Variants in ST3GAL2 observed in about 807,000 individuals in gnomAD.
The protein encoded by ST3GAL2 is ST3 beta-galactoside alpha-2,3-sialyltransferase 2.
A neutral mutation model predicts 37.5 loss-of-function variants in ST3GAL2; 16 were observed. That is an observed-to-expected ratio of 0.43 (90% CI 0.29 to 0.65). The LOEUF is 0.65. ST3GAL2 is among the 30% of genes least tolerant of loss of function. The pLI is 0.17. For missense variants in ST3GAL2, 383 were observed against 487.8 expected (o/e 0.79, Z 2.02); for synonymous variants, 238 against 202.9 (o/e 1.17, Z -1.47).
chr16:70,426,606 G>A (rs2151678616), intron 1 of ST3GAL2, among the ~76,000 whole-genome samples: 1 of 151,702 alleles, frequency 6.6e-6, no homozygotes, highest in South Asian at 2.1e-4. Context: ...CTGCCTCCCG[G>A]GTTCAAGCGA....
At chr16:70,389,202 C>CCAAAAAAAAAAA (rs2047464700) in intron 3 of ST3GAL2, among the ~76,000 whole-genome samples, 1 of 27,362 alleles carries the variant, frequency 3.7e-5, no homozygotes, top group Non-Finnish European at 6.7e-5. Context: ...CCCATCTCTA[C>CCAAAAAAAAAAA]AAAAAAAAAA....
At chr16:70,386,984 G>A (rs1358331325) in intron 4 of ST3GAL2, among the ~76,000 whole-genome samples, 1 of 152,224 alleles carries the variant, frequency 6.6e-6, no homozygotes, top group Non-Finnish European at 1.5e-5. Flanking sequence ...CGGGTGTGGT[G>A]GCTCATGCCG....
Position 70,420,141 on chromosome 16 carries a change from G to C in ST3GAL2, c.-1004+18808C>G, listed in dbSNP as rs140207660. ...CCCGGGTTCAAACTTCCATCAACTA[G>C]GCCAACTTCTTATCAGTTTCTATTC... On this transcript the variant is annotated intron_variant, in intron 1 of 6. Coordinates refer to ENST00000342907, the MANE Select transcript of ST3GAL2 (RefSeq NM_006927.4). Among the ~76,000 whole-genome samples, 15 of 150,800 alleles carry C rather than the reference G, an allele frequency of 9.9e-5. No individual in the cohort carries two copies. The East Asian group carries it at 3.0e-3, about 30-fold the overall frequency.
intron 6 of ST3GAL2, among the ~76,000 whole-genome samples, 194 bp downstream of exon 6, chr16:70,382,611 A>T (rs895730327): frequency 1.3e-5 from 2 of 152,104 alleles, no homozygotes; most frequent in African/African-American, 4.8e-5. Context: ...GAGATTTTGG[A>T]TTTGGTAGAA....
intron 1 of ST3GAL2, among the ~76,000 whole-genome samples, chr16:70,422,729 C>A (rs921200385): frequency 2.6e-5 from 4 of 152,108 alleles, no homozygotes. Flanking sequence ...CCCAGAGACC[C>A]CAGCAAAGTG....
intron 2 of ST3GAL2, among the ~76,000 whole-genome samples, chr16:70,397,657 C>G (rs1185626205): frequency 6.6e-6 from 1 of 152,046 alleles, no homozygotes; most frequent in Non-Finnish European, 1.5e-5. Flanking sequence ...ACCTGGGAGG[C>G]AGAAGTTACA....
intron 1 of ST3GAL2, among the ~76,000 whole-genome samples, chr16:70,405,540 T>TAAAAAA (rs58998342): frequency 9.9e-6 from 1 of 101,486 alleles, no homozygotes; most frequent in African/African-American, 3.9e-5. Context: ...GACTCCGTCT[T>TAAAAAA]AAAAAAAAAA....
chr16:70,376,293 T>C lies in ST3GAL2; in HGVS notation c.*5396A>G, dbSNP rs748161673. The C allele has an allele frequency of 4.6e-5, 7 of 152,268 alleles. No homozygotes were observed. The highest frequency in any genetic ancestry group is 8.8e-5 in the Non-Finnish European group (6 of 68,040). The allele number at this position is 152,268 out of a possible 1,614,324, so 9.4% of individuals were successfully genotyped here. On this transcript the variant is annotated 3_prime_UTR_variant, in exon 7 of 7. Coordinates refer to ENST00000342907, the MANE Select transcript of ST3GAL2 (RefSeq NM_006927.4). ...AAAAAGGAAAGGCAAAGTCATTTTATAGCAAGGCCGGATGGAACTGGGCGC... is the reference window on the plus strand; with the variant it reads ...AAAAAGGAAAGGCAAAGTCATTTTACAGCAAGGCCGGATGGAACTGGGCGC...
rs2047374893 is a variant in ST3GAL2 at position 70,379,126 on chromosome 16, A to C, written c.*2563T>G. 6.6e-6 allele frequency: 1 copy of C among 152,276 alleles called. No individual in the cohort carries two copies. Among genetic ancestry groups the C allele is most frequent in the African/African-American group, 2.4e-5 (1 of 41,468 alleles). 9.4% of individuals were successfully genotyped at this position (152,276 alleles called of 1,614,324 possible). A position where few individuals can be genotyped will look rare whatever the true frequency, so the allele number is the denominator to read the frequency against. ...ATGCACTTCCCTGAGAGGTGGGGAC[A>C]GCCCAGCCTGTGGCCACCCAAATGT... On this transcript the variant is annotated 3_prime_UTR_variant, in exon 7 of 7. Coordinates refer to ENST00000342907, the MANE Select transcript of ST3GAL2 (RefSeq NM_006927.4).
intron 4 of ST3GAL2, among the ~76,000 whole-genome samples, chr16:70,383,645 AGAAAG>A (rs1434191692): frequency 2.0e-5 from 3 of 151,042 alleles, no homozygotes; most frequent in Non-Finnish European, 4.4e-5. Flanking sequence ...AAGGGAAAGG[AGAAAG>A]GAAAGGAGAA....
intron 1 of ST3GAL2, among the ~76,000 whole-genome samples, chr16:70,407,236 G>A (rs1299378779): frequency 6.6e-6 from 1 of 151,706 alleles, no homozygotes; most frequent in East Asian, 1.9e-4. Flanking sequence ...CACCTCCTGG[G>A]TTCAAGCAAT....
At chr16:70,407,474 T>A (rs1445864939) in intron 1 of ST3GAL2, among the ~76,000 whole-genome samples, 1 of 152,162 alleles carries the variant, frequency 6.6e-6, no homozygotes, top group African/African-American at 2.4e-5. Context: ...GTCACAAATT[T>A]GGCAAATTTG....
rs575217863 is a variant in ST3GAL2 at position 70,382,829 on chromosome 16, G to C, written c.855C>G (p.Phe285Leu). 1 of 1,614,144 alleles carries C rather than the reference G, an allele frequency of 6.2e-7. No individual in the cohort carries two copies. Among genetic ancestry groups the C allele is most frequent in the African/African-American group, 1.3e-5 (1 of 75,046 alleles). Residue 285 changes from phenylalanine to leucine, a missense_variant, in exon 6 of 7, where the codon TTC becomes TTG. Physicochemically the swap from Phe to Leu is conservative, Grantham distance 22 (BLOSUM62 0). This residue lies in a region of ST3GAL2 where 160 missense variants were observed against 248.6 expected (regional missense o/e 0.64). Transcript: ENST00000342907. The part of the protein sequence containing the change: ...RYPSTGMLVL[F>L]FALHVCDEVN... The stretch of plus-strand genomic sequence containing the variant: ...CCTCATCACACACATGCAGGGCAAA[G>C]AAAAGCACCAGCATCCCCGTGGAAG...
Position 70,398,204 on chromosome 16 carries a change from C to G in ST3GAL2, c.327G>C (p.Gln109His). 4.3e-6 allele frequency: 7 copies of G among 1,612,858 alleles called. No homozygotes were observed. The highest frequency in any genetic ancestry group is 5.9e-6 in the Non-Finnish European group (7 of 1,179,606). The change falls in exon 2 of 7, where the codon CAG becomes CAC. Residue 109 changes from glutamine to histidine, a missense_variant. Physicochemically the swap from Gln to His is conservative, Grantham distance 24. Around this residue, in one of 2 missense-constraint regions of ST3GAL2, gnomAD observed 223 missense variants for 239.1 expected, o/e 0.93. Transcript: ENST00000342907. ...RENMDLPPDV[Q>H]RWWMMLQPQF... ...CAGCAGCTCTTACCATCCACCACCT[C>G]TGGACGTCCGGTGGAAGATCCATGT...
intron 2 of ST3GAL2, among the ~76,000 whole-genome samples, chr16:70,397,128 C>T (rs1472943529): frequency 1.3e-5 from 2 of 150,842 alleles, no homozygotes; most frequent in Non-Finnish European, 3.0e-5. Context: ...GCAACCTCCG[C>T]CTCCCAGGTT....
rs188386116 is a variant in ST3GAL2 at position 70,387,973 on chromosome 16, G to A, written c.713+394C>T. On this transcript the variant is annotated intron_variant, in intron 4 of 6. Coordinates refer to ENST00000342907, the MANE Select transcript of ST3GAL2 (RefSeq NM_006927.4). ...TACTAAAATACAAAATTAGCCGGGC[G>A]TGGTGGTGCATCCCTATAATCCCAG... is the stretch of plus-strand genomic sequence containing the variant. Among the ~76,000 whole-genome samples the A allele has an allele frequency of 2.8e-4, 42 of 151,996 alleles. 1 individual carries two copies. In the East Asian group the frequency reaches 4.5e-3, roughly 16 times the overall value.
intron 1 of ST3GAL2, among the ~76,000 whole-genome samples, chr16:70,425,044 T>C (rs2151677474): frequency 6.6e-6 from 1 of 152,214 alleles, no homozygotes; most frequent in Middle Eastern, 3.4e-3. Context: ...CTGTTGTTAA[T>C]GATAAAGATG....
At chr16:70,388,710 G>T (rs2047460195) in intron 3 of ST3GAL2, among the ~76,000 whole-genome samples, 164 bp from the exon 4 acceptor site, 1 of 152,100 alleles carries the variant, frequency 6.6e-6, no homozygotes, top group Non-Finnish European at 1.5e-5. Flanking sequence ...TTACAAAGGT[G>T]TGCAAAGATG....
intron 1 of ST3GAL2, among the ~76,000 whole-genome samples, chr16:70,401,342 T>C (rs954866345): frequency 6.6e-6 from 1 of 152,138 alleles, no homozygotes; most frequent in African/African-American, 2.4e-5. Context: ...CACTGCCTGT[T>C]AGGGAGGGGA....
Sources: gnomAD v4.1 joint callset for allele counts (sites outside exome capture counted in the v4.1 genomes callset) on GRCh38, gnomAD v4.1.1 for gene constraint, gnomAD v4.1.1 regional missense constraint, MANE v1.5 for transcripts, NCBI Gene and HGNC (gene_info 2026-07-23, HGNC 2026-07-21) for gene names.